The following UNC13C variants were observed in gnomAD, a reference collection of about 807,000 sequenced individuals.
The protein encoded by UNC13C is protein unc-13 homolog C.
A neutral mutation model predicts 245.4 loss-of-function variants in UNC13C; 174 were observed. The ratio of observed to expected loss-of-function variants is 0.71; its 90% CI spans 0.63 to 0.80. The LOEUF is 0.80. Among genes scored for constraint, UNC13C ranks in the 30% least tolerant of loss-of-function variants. The pLI, the probability that UNC13C is intolerant of heterozygous loss-of-function variation, is 0.00. For missense variants in UNC13C, 2,829 were observed against 2,602.9 expected (o/e 1.09, Z -1.89); for synonymous variants, 992 against 895.1 (o/e 1.11, Z -1.93).
the UNC13C span, among the ~76,000 whole-genome samples, chr15:53,952,370 CAAAT>C: frequency 2.0e-5 from 3 of 152,108 alleles, no homozygotes; most frequent in South Asian, 6.2e-4. Context: ...AGGTTACACA[CAAAT>C]AAAAAGGCCA....
chr15:53,951,480 G>A, the UNC13C span, among the ~76,000 whole-genome samples: 1 of 152,204 alleles, frequency 6.6e-6, no homozygotes, highest in Admixed American at 6.5e-5. Context: ...AATTATTGTG[G>A]TGACCCCTTT....
chr15:53,970,743 C>A, the UNC13C span, among the ~76,000 whole-genome samples: 1 of 152,052 alleles, frequency 6.6e-6, no homozygotes, highest in Non-Finnish European at 1.5e-5. Context: ...TTAATACTTA[C>A]GTGTTGCGTT....
chr15:54,099,025 T>C (rs1243165814), intron 2 of UNC13C, among the ~76,000 whole-genome samples: 2 of 152,230 alleles, frequency 1.3e-5, no homozygotes, highest in East Asian at 1.9e-4. Flanking sequence ...TACCAAATAA[T>C]TCTCCTGAGA....
chr15:54,327,899 T>C (rs1249547578), intron 14 of UNC13C, among the ~76,000 whole-genome samples: 1 of 152,040 alleles, frequency 6.6e-6, no homozygotes, highest in Non-Finnish European at 1.5e-5. Context: ...AAGGCATTCT[T>C]GGATTATGAA....
Position 54,014,821 on chromosome 15 carries a change from C to T in UNC13C, c.1918C>T (p.Arg640Trp), listed in dbSNP as rs369218589. The T allele has an allele frequency of 2.9e-5, 46 of 1,613,646 alleles. 1 individual carries two copies. The East Asian group carries it at 3.6e-4, about 13-fold the overall frequency. Residue 640 changes from arginine (R) to tryptophan (W), a missense_variant, in exon 2 of 33, where the codon CGG becomes TGG. By Grantham distance (101) the Arg-to-Trp change is moderately radical. Coordinates refer to ENST00000260323, the MANE Select transcript of UNC13C (RefSeq NM_001080534.3). ...SNGMVCASGD[R>W]SHYSDSQLSL... is the part of the protein sequence containing the mutation. ...TGGCATGGTGTGTGCATCTGGAGAC[C>T]GGAGTCATTACAGTGATTCTCAGCT...
At chr15:54,605,025 G>C (rs1028097329) in intron 30 of UNC13C, among the ~76,000 whole-genome samples, 18 of 152,172 alleles carry the variant, frequency 1.2e-4, no homozygotes, top group Admixed American at 9.8e-4. Context: ...ATCTCCAAAG[G>C]ATGCTGCATC....
chr15:53,933,690 A>G, the UNC13C span, among the ~76,000 whole-genome samples: 2 of 152,160 alleles, frequency 1.3e-5, no homozygotes, highest in African/African-American at 2.4e-5. Context: ...GCTGTTGAAT[A>G]CGTCTGTGCC....
At chr15:54,468,339 T>C (rs1271072230) in intron 19 of UNC13C, among the ~76,000 whole-genome samples, 1 of 151,696 alleles carries the variant, frequency 6.6e-6, no homozygotes, top group Admixed American at 6.6e-5. Context: ...ATTGTATTAA[T>C]GTATTTTGGA....
intron 17 of UNC13C, among the ~76,000 whole-genome samples, chr15:54,348,278 T>C (rs2038904919): frequency 6.6e-6 from 1 of 152,156 alleles, no homozygotes; most frequent in South Asian, 2.1e-4. Flanking sequence ...CCTCTACTTT[T>C]TCCCTTCCGC....
chr15:53,884,151 G>A, the UNC13C span, among the ~76,000 whole-genome samples: 20 of 152,106 alleles, frequency 1.3e-4, no homozygotes, highest in African/African-American at 4.8e-4. Flanking sequence ...AGGCTGGGAG[G>A]GATGGACCAC....
At chr15:54,179,650 A>G (rs1366591312) in intron 4 of UNC13C, among the ~76,000 whole-genome samples, 3 of 152,108 alleles carry the variant, frequency 2.0e-5, no homozygotes, top group African/African-American at 7.2e-5. Flanking sequence ...GAGAAATTCA[A>G]ATATATGTGC....
the UNC13C span, among the ~76,000 whole-genome samples, chr15:53,954,928 G>T: frequency 6.6e-6 from 1 of 152,118 alleles, no homozygotes; most frequent in South Asian, 2.1e-4. Context: ...TCATAACGAA[G>T]TCAAAATGAC....
intron 17 of UNC13C, among the ~76,000 whole-genome samples, chr15:54,372,020 T>C (rs1017190699): frequency 4.6e-5 from 7 of 152,182 alleles, no homozygotes; most frequent in African/African-American, 1.7e-4. Context: ...TCAAAAGATC[T>C]ATTGTACAAC....
intron 19 of UNC13C, among the ~76,000 whole-genome samples, chr15:54,457,044 T>C (rs1465633540): frequency 6.6e-6 from 1 of 152,138 alleles, no homozygotes; most frequent in Non-Finnish European, 1.5e-5. Context: ...TACCTTAAAA[T>C]ATGTCCCTTC....
the UNC13C span, among the ~76,000 whole-genome samples, chr15:53,901,385 A>ATT: frequency 4.7e-5 from 7 of 150,462 alleles, no homozygotes; most frequent in South Asian, 2.1e-4. Context: ...ATGCCTAGCT[A>ATT]TTTTTTTTGT....
the UNC13C span, among the ~76,000 whole-genome samples, chr15:53,953,804 A>T: frequency 1.3e-5 from 2 of 152,262 alleles, no homozygotes; most frequent in Admixed American, 1.3e-4. Context: ...GCTATTTAAC[A>T]TTTAGGATTT....
intron 10 of UNC13C, among the ~76,000 whole-genome samples, chr15:54,289,881 G>C (rs1220588814): frequency 6.6e-6 from 1 of 152,044 alleles, no homozygotes; most frequent in East Asian, 1.9e-4. Flanking sequence ...CTTGAATGCA[G>C]GGTAAATACC....
At chr15:54,585,155 TCTCATGTTGAAATGTGATC>T (rs1212454578) in intron 30 of UNC13C, among the ~76,000 whole-genome samples, 1 of 152,146 alleles carries the variant, frequency 6.6e-6, no homozygotes, top group African/African-American at 2.4e-5. Context: ...CCCCTCCAAA[TCTCATGTTGAAATGTGATC>T]CTCAGTGTTG....
chr15:54,181,187 G>T (rs778945481), intron 4 of UNC13C, among the ~76,000 whole-genome samples: 7 of 151,982 alleles, frequency 4.6e-5, no homozygotes, highest in Non-Finnish European at 1.0e-4. Context: ...TATGGTAAAA[G>T]GTAGGGATAC....
Sources: gnomAD v4.1 joint callset for allele counts (sites outside exome capture counted in the v4.1 genomes callset) on GRCh38, gnomAD v4.1.1 for gene constraint, MANE v1.5 for transcripts, NCBI Gene and HGNC (gene_info 2026-07-23, HGNC 2026-07-21) for gene names.